The following CDH12 variants were observed in gnomAD, a reference collection of about 807,000 sequenced individuals.
The protein encoded by CDH12 is cadherin-12.
Under a neutral mutation model 74.1 loss-of-function variants are expected in CDH12, and 41 were observed. The ratio of observed to expected loss-of-function variants is 0.55; its 90% CI spans 0.43 to 0.72. The LOEUF is 0.72. Among genes scored for constraint, CDH12 ranks in the 30% least tolerant of loss-of-function variants. The probability of loss-of-function intolerance (pLI) is 0.00; values close to 1 mark genes in which losing one functional copy is unlikely to be tolerated. For synonymous variants in CDH12, 399 were observed against 355.0 expected, an observed-to-expected ratio of 1.12 and a Z score of -1.39; for missense variants, 945 against 977.2, an observed-to-expected ratio of 0.97 and a Z score of 0.44.
At chr5:21,963,252 T>C (rs186677317) in intron 6 of CDH12, among the ~76,000 whole-genome samples, 663 of 152,220 alleles carry the variant, frequency 4.4e-3, no homozygotes, top group African/African-American at 0.015. Context: ...ACCCAGGTAG[T>C]GAACTGAATA....
intron 3 of CDH12, among the ~76,000 whole-genome samples, chr5:22,389,650 A>ATTTT (rs33947511): frequency 4.6e-4 from 64 of 138,338 alleles, no homozygotes; most frequent in Non-Finnish European, 5.5e-4. Context: ...TAAAAAGACA[A>ATTTT]TTTTTTTTTT....
intron 1 of CDH12, among the ~76,000 whole-genome samples, chr5:22,625,547 G>A (rs571392472): frequency 6.6e-6 from 1 of 152,268 alleles, no homozygotes; most frequent in South Asian, 2.1e-4. Context: ...AGTATGGCCA[G>A]GGAGGCTCAT....
intron 6 of CDH12, among the ~76,000 whole-genome samples, chr5:21,901,883 T>C (rs1000176951): frequency 6.6e-6 from 1 of 150,628 alleles, no homozygotes; most frequent in African/African-American, 2.4e-5. Context: ...CAACTGTATA[T>C]AATTTGCTGT....
At chr5:22,397,002 C>A (rs76803932) in intron 3 of CDH12, among the ~76,000 whole-genome samples, 6,155 of 152,066 alleles carry the variant, frequency 0.04, 430 homozygotes, top group African/African-American at 0.14. Flanking sequence ...CGTATATAAA[C>A]TTTGGTGTAT....
chr5:21,958,312 A>G (rs566751327), intron 6 of CDH12, among the ~76,000 whole-genome samples: 73 of 152,102 alleles, frequency 4.8e-4, no homozygotes, highest in Admixed American at 9.2e-4. Context: ...GTTCCCATTT[A>G]TGAATTTTTG....
At chr5:22,058,355 C>A (rs540097682) in intron 5 of CDH12, among the ~76,000 whole-genome samples, 1 of 152,126 alleles carries the variant, frequency 6.6e-6, no homozygotes, top group Non-Finnish European at 1.5e-5. Context: ...CTGCACCCAG[C>A]CTTCTATTTA....
At chr5:22,772,783 C>T (rs1373345590) in intron 1 of CDH12, among the ~76,000 whole-genome samples, 3 of 152,052 alleles carry the variant, frequency 2.0e-5, no homozygotes, top group Non-Finnish European at 4.4e-5. Flanking sequence ...GTTCACAGCA[C>T]AATCTTAAAC....
intron 2 of CDH12, among the ~76,000 whole-genome samples, chr5:22,465,849 T>C (rs900279532): frequency 3.9e-5 from 6 of 152,068 alleles, no homozygotes; most frequent in Non-Finnish European, 7.4e-5. Context: ...CAAACCATAA[T>C]CTCTCTTACA....
intron 6 of CDH12, among the ~76,000 whole-genome samples, chr5:21,876,491 G>C (rs993705184): frequency 6.6e-6 from 1 of 152,150 alleles, no homozygotes; most frequent in Non-Finnish European, 1.5e-5. Context: ...GATAAATCTG[G>C]AGGACATTTT....
intron 1 of CDH12, among the ~76,000 whole-genome samples, chr5:22,528,332 C>A (rs1737383960): frequency 6.6e-6 from 1 of 152,078 alleles, no homozygotes; most frequent in Admixed American, 6.6e-5. Flanking sequence ...AAAGAAAACT[C>A]ATGAGAATTT....
intron 9 of CDH12, among the ~76,000 whole-genome samples, chr5:21,809,062 A>G (rs1056093831): frequency 6.6e-6 from 1 of 152,044 alleles, no homozygotes; most frequent in Non-Finnish European, 1.5e-5. Context: ...TATATAACTT[A>G]CCTTAAAAAT....
chr5:21,948,588 T>G (rs917335269), intron 6 of CDH12, among the ~76,000 whole-genome samples: 1 of 152,070 alleles, frequency 6.6e-6, no homozygotes, highest in African/African-American at 2.4e-5. Context: ...TTGTCTCAGA[T>G]GAGACTTTGA....
At chr5:22,066,020 G>T (rs1184669789) in intron 5 of CDH12, among the ~76,000 whole-genome samples, 1 of 152,070 alleles carries the variant, frequency 6.6e-6, no homozygotes, top group Non-Finnish European at 1.5e-5. Context: ...TAAAAACAGA[G>T]AGTCCTTGCC....
At chr5:21,955,450 A>T (rs1281294166) in intron 6 of CDH12, among the ~76,000 whole-genome samples, 1 of 152,080 alleles carries the variant, frequency 6.6e-6, no homozygotes, top group Non-Finnish European at 1.5e-5. Context: ...ACTTTAAAAA[A>T]TGCTAGTGAT....
chr5:22,384,351 C>T lies in CDH12; in HGVS notation c.-333+20906G>A, dbSNP rs999553641. On this transcript the variant is annotated intron_variant, in intron 3 of 14. Transcript: ENST00000382254. ...CATCCTGGCTAACACGGTGAAACCC[C>T]GTCTCTACTAAAAATACAAAAAAAA... Among the ~76,000 whole-genome samples, 16 of 150,310 alleles carry T rather than the reference C, an allele frequency of 1.1e-4. No individual in the cohort carries two copies. The South Asian group carries it at 3.2e-3, about 30-fold the overall frequency.
At chr5:21,777,183 G>C (rs1745636870) in intron 11 of CDH12, among the ~76,000 whole-genome samples, 1 of 152,082 alleles carries the variant, frequency 6.6e-6, no homozygotes, top group African/African-American at 2.4e-5. Context: ...TATCAAAAAA[G>C]ATCCTTCACA....
chr5:21,865,290 G>A (rs1203459662), intron 6 of CDH12, among the ~76,000 whole-genome samples: 1 of 152,114 alleles, frequency 6.6e-6, no homozygotes, highest in Non-Finnish European at 1.5e-5. Context: ...AAATTTTTGA[G>A]TATTTTAGCC....
intron 6 of CDH12, among the ~76,000 whole-genome samples, chr5:21,878,238 T>C (rs1429930579): frequency 6.6e-6 from 1 of 152,238 alleles, no homozygotes; most frequent in African/African-American, 2.4e-5. Context: ...GGTATTTGGG[T>C]TAGTAATTGT....
At chr5:21,802,588 T>TTTTTC (rs1407778109) in intron 9 of CDH12, among the ~76,000 whole-genome samples, 168 bp from the exon 10 acceptor site, 13 of 100,380 alleles carry the variant, frequency 1.3e-4, no homozygotes, top group African/African-American at 3.2e-4. Flanking sequence ...AAACCATTTT[T>TTTTTC]TTTTCTTTTT....
Sources: gnomAD v4.1 joint callset for allele counts (sites outside exome capture counted in the v4.1 genomes callset) on GRCh38, gnomAD v4.1.1 for gene constraint, MANE v1.5 for transcripts, NCBI Gene and HGNC (gene_info 2026-07-23, HGNC 2026-07-21) for gene names.